The following TUT4 variants were observed in gnomAD, a reference collection of about 807,000 sequenced individuals.
TUT4 encodes terminal uridylyltransferase 4.
In TUT4, 36 loss-of-function variants were observed where a neutral mutation model predicts 192.2. That is an observed-to-expected ratio of 0.19 (90% CI 0.14 to 0.25). The LOEUF (loss-of-function observed/expected upper bound fraction) is 0.25, where lower values mean the gene tolerates loss of function less well. TUT4 is among the 10% of genes least tolerant of loss of function. The pLI is 1.00. For synonymous variants in TUT4, 618 were observed against 666.0 expected (o/e 0.93, Z 1.11); for missense variants, 1,493 against 1,957.2 (o/e 0.76, Z 4.47).
At chr1:52,548,256 CAATTA>C (rs1688577502) in intron 1 of TUT4, among the ~76,000 whole-genome samples, 1 of 151,932 alleles carries the variant, frequency 6.6e-6, no homozygotes, top group Non-Finnish European at 1.5e-5. Context: ...AATGACTGGT[CAATTA>C]AATTATTTAA....
At chr1:52,541,864 T>A (rs1686787189) in intron 1 of TUT4, among the ~76,000 whole-genome samples, 1 of 152,062 alleles carries the variant, frequency 6.6e-6, no homozygotes, top group Non-Finnish European at 1.5e-5. Flanking sequence ...TACACCCAAA[T>A]AACCAAAAGC....
chr1:52,461,298 A>G (rs762216041), intron 18 of TUT4, 75 bp from the exon 19 acceptor site: 41 of 1,370,512 alleles, frequency 3.0e-5, no homozygotes, highest in Admixed American at 1.5e-4. Context: ...TAAAAGTAAA[A>G]TACACTCCAA....
At chr1:52,452,002 A>AT (rs1468777634) in intron 20 of TUT4, among the ~76,000 whole-genome samples, 1 of 151,978 alleles carries the variant, frequency 6.6e-6, no homozygotes, top group Non-Finnish European at 1.5e-5. Context: ...TCTACCAAAC[A>AT]TTTAAGGAAG....
chr1:52,536,028 G>C (rs1684809230), intron 1 of TUT4, among the ~76,000 whole-genome samples: 1 of 152,122 alleles, frequency 6.6e-6, no homozygotes, highest in Admixed American at 6.5e-5. Context: ...AAAGACATTA[G>C]ACAATAATTC....
At chr1:52,529,402 A>T (rs1025477742) in intron 1 of TUT4, among the ~76,000 whole-genome samples, 1 of 152,228 alleles carries the variant, frequency 6.6e-6, no homozygotes, top group Admixed American at 6.5e-5. Context: ...TTGTCAAAAC[A>T]TATGACTATT....
At chr1:52,456,660 G>A (rs186824963) in intron 20 of TUT4, among the ~76,000 whole-genome samples, 3 of 152,084 alleles carry the variant, frequency 2.0e-5, no homozygotes, top group Admixed American at 6.6e-5. Flanking sequence ...GAAGACAACA[G>A]CACAAAGATT....
In TUT4 at chr1:52,445,870, C is replaced by CTAT; in HGVS notation, c.3740-4_3740-2dup. ...AATGCTTTCATGATGAAATTGGTCACTATTAAAGAAAGAAGAAAACAATAA... is the reference window on the plus strand; with the variant it reads ...AATGCTTTCATGATGAAATTGGTCACTATTATTAAAGAAAGAAGAAAACAATAA... On this transcript the variant is annotated splice_acceptor_variant, in intron 23 of 29. Transcript: ENST00000257177. LOFTEE classifies it high-confidence loss of function. 6.2e-7 allele frequency: 1 copy of CTAT among 1,610,122 alleles called. No homozygotes were observed. Among genetic ancestry groups the CTAT allele is most frequent in the Non-Finnish European group, 8.5e-7 (1 of 1,178,368 alleles).
intron 4 of TUT4, 79 bp downstream of exon 4, chr1:52,509,517 T>C: frequency 1.1e-6 from 1 of 871,364 alleles, no homozygotes; most frequent in Non-Finnish European, 1.8e-6. Context: ...ATTTCATTTT[T>C]AGTTTCACAA....
At chr1:52,538,632 G>T (rs1685609563) in intron 1 of TUT4, 1 of 114,696 alleles carries the variant, frequency 8.7e-6, no homozygotes, top group Admixed American at 1.1e-4. Context: ...AGGCAACAGA[G>T]CAAGACTCTG....
chr1:52,491,392 TA>T (rs1444614932), intron 7 of TUT4, among the ~76,000 whole-genome samples: 1 of 152,044 alleles, frequency 6.6e-6, no homozygotes, highest in African/African-American at 2.4e-5. Context: ...CTAATCTAAA[TA>T]AAAACAGATA....
intron 16 of TUT4, chr1:52,462,771 A>C: frequency 1.0e-6 from 1 of 985,294 alleles, no homozygotes; most frequent in Non-Finnish European, 1.2e-6. Flanking sequence ...TTACCTCTGT[A>C]AATTTAAATG....
intron 3 of TUT4, among the ~76,000 whole-genome samples, chr1:52,511,209 G>C (rs1182175038): frequency 6.6e-6 from 1 of 152,026 alleles, no homozygotes; most frequent in Non-Finnish European, 1.5e-5. Flanking sequence ...TAAATCTCAG[G>C]GATTAATTTG....
At chr1:52,424,169 A>C (rs1648996178) in intron 29 of TUT4, 167 bp from the exon 30 acceptor site, 1 of 653,450 alleles carries the variant, frequency 1.5e-6, no homozygotes, top group East Asian at 2.8e-5. Context: ...TGAAGAAGGG[A>C]AGGAAATACC....
At chr1:52,520,534 C>A (rs1013029925) in intron 2 of TUT4, among the ~76,000 whole-genome samples, 7 of 152,066 alleles carry the variant, frequency 4.6e-5, no homozygotes, top group Admixed American at 1.3e-4. Flanking sequence ...GAAATGAGAC[C>A]CAAGACTCTG....
In TUT4 at chr1:52,476,652, G is replaced by C. The variant is rs543936308; in HGVS notation, c.2023+1056C>G. ...CACTTCCCAAAGAAAATGAAAGAGGGGGGGAAAAGAAAGAAAAAAAAAGAG... is the reference window on the plus strand; with the variant it reads ...CACTTCCCAAAGAAAATGAAAGAGGCGGGGAAAAGAAAGAAAAAAAAAGAG... On this transcript the variant is annotated intron_variant, in intron 12 of 29. Coordinates refer to ENST00000257177, the MANE Select transcript of TUT4 (RefSeq NM_001009881.3). Among the ~76,000 whole-genome samples, 82 of 151,980 alleles carry C rather than the reference G, an allele frequency of 5.4e-4. 4 individuals carry two copies. The South Asian group carries it at 0.016, about 30-fold the overall frequency.
At chr1:52,456,053 A>C (rs936021129) in intron 20 of TUT4, among the ~76,000 whole-genome samples, 1 of 152,220 alleles carries the variant, frequency 6.6e-6, no homozygotes, top group Non-Finnish European at 1.5e-5. Flanking sequence ...ATATTTTTCC[A>C]TATGTGAATG....
intron 2 of TUT4, among the ~76,000 whole-genome samples, chr1:52,522,168 T>A (rs1372627476): frequency 6.6e-6 from 1 of 152,178 alleles, no homozygotes; most frequent in African/African-American, 2.4e-5. Context: ...TTAAAGAGAA[T>A]TCTTTAAAAC....
chr1:52,474,513 GA>G (rs906773574), intron 13 of TUT4, among the ~76,000 whole-genome samples: 4 of 151,804 alleles, frequency 2.6e-5, no homozygotes, highest in Non-Finnish European at 4.4e-5. Flanking sequence ...TTTTGTTGGG[GA>G]AAAAAATACA....
intron 24 of TUT4, among the ~76,000 whole-genome samples, chr1:52,444,927 A>ATATATGTATATACATGTATGTG (rs1656971431): frequency 1.7e-5 from 2 of 114,392 alleles, no homozygotes; most frequent in Non-Finnish European, 3.3e-5. Flanking sequence ...ATGTATGTGT[A>ATATATGTATATACATGTATGTG]TATATATGTA....
Sources: allele counts gnomAD v4.1 joint callset (sites outside exome capture counted in the v4.1 genomes callset), GRCh38; gene constraint gnomAD v4.1.1; transcripts MANE v1.5; gene names NCBI Gene and HGNC (gene_info 2026-07-23, HGNC 2026-07-21).